Variants in MUC3A observed in about 807,000 individuals in gnomAD.
The protein encoded by MUC3A is mucin 3A, cell surface associated, also known as mucin-3A.
A neutral mutation model predicts 109.0 loss-of-function variants in MUC3A; 109 were observed. The ratio of observed to expected loss-of-function variants is 1.00; its 90% CI spans 0.86 to 1.17. The LOEUF is 1.17. MUC3A is among the 50% of genes most tolerant of loss of function. The pLI, the probability that MUC3A is intolerant of heterozygous loss-of-function variation, is 0.00. For synonymous variants in MUC3A, 1,398 were observed against 981.4 expected (o/e 1.42, Z -7.93); for missense variants, 3,537 against 2,469.4 (o/e 1.43, Z -9.16).
rs547793267 is a variant in MUC3A, at chr7:100,958,551, T to A, written c.6772T>A (p.Ser2258Thr). Residue 2258 changes from serine to threonine, a missense_variant, in exon 2 of 12, where the codon TCT (serine) becomes ACT (threonine). Coordinates refer to ENST00000379458, the MANE Select transcript of MUC3A (RefSeq NM_005960.2). ...TTSHSTPSFTSSITTTETTSH... is the reference protein window; with the variant it reads ...TTSHSTPSFTTSITTTETTSH... The stretch of plus-strand genomic sequence containing the variant: ...ATCCCACAGTACTCCCAGCTTCACT[T>A]CTTCGATCACCACCACTGAGACCAC... 3 of 1,421,456 alleles carry A rather than the reference T, an allele frequency of 2.1e-6. No homozygotes were observed. The highest frequency in any genetic ancestry group is 2.9e-6 in the Non-Finnish European group (3 of 1,021,248). 88.1% of individuals were successfully genotyped at this position (1,421,456 alleles called of 1,614,324 possible). A position where few individuals can be genotyped will look rare whatever the true frequency, so the allele number is the denominator to read the frequency against.
intron 10 of MUC3A, 38 bp downstream of exon 10, chr7:100,966,781 C>T (rs774536838): frequency 6.9e-6 from 11 of 1,598,402 alleles, no homozygotes; most frequent in Admixed American, 3.3e-5. Flanking sequence ...CAGAGGCTTT[C>T]CTGGGCACCA....
In MUC3A at chr7:100,967,445, T is replaced by G. The variant is rs1378381144; in HGVS notation, c.*283T>G. 1.3e-5 allele frequency: 8 copies of G among 593,346 alleles called. No individual in the cohort carries two copies. The Admixed American group carries it at 1.5e-4, about 11-fold the overall frequency. The allele number at this position is 593,346 out of a possible 1,614,324, so 36.8% of individuals were successfully genotyped here. ...GCAAAACGGGTACAGCATTCCTGTA[T>G]GATAGCTCACGCCGTTGTTGTGAAA... On this transcript the variant is annotated 3_prime_UTR_variant, in exon 12 of 12. Coordinates refer to ENST00000379458, the MANE Select transcript of MUC3A (RefSeq NM_005960.2).
chr7:100,958,062 T>A lies in MUC3A; in HGVS notation c.6283T>A (p.Ser2095Thr), dbSNP rs1584803179. The A allele has an allele frequency of 5.4e-3, 3,050 of 568,632 alleles. 2 individuals are homozygous for A. The highest frequency in any genetic ancestry group is 0.017 in the Admixed American group (234 of 14,170). The allele number at this position is 568,632 out of a possible 1,614,324, so 35.2% of individuals were successfully genotyped here. A position where few individuals can be genotyped will look rare whatever the true frequency, so the allele number is the denominator to read the frequency against. Residue 2095 changes from serine (S) to threonine (T), a missense_variant, in exon 2 of 12, where the codon TCT becomes ACT. Coordinates refer to ENST00000379458, the MANE Select transcript of MUC3A (RefSeq NM_005960.2). ...TPSHSTLSFT[S>T]SITTTETTSH... ...CTCACACAGTACTCTCAGCTTCACT[T>A]CTTCAATCACCACCACTGAGACCAC...
rs775633614 is a variant in MUC3A, at chr7:100,958,839, A to T, written c.7060A>T (p.Ser2354Cys). 6.5e-7 allele frequency: 1 copy of T among 1,547,002 alleles called. No homozygotes were observed. Among genetic ancestry groups the T allele is most frequent in the South Asian group, 1.1e-5 (1 of 88,968 alleles). The part of the protein sequence containing the change: ...SITTTETNSH[S>C]TTSFTSSITT... ...CACCACCACCGAGACCAACTCTCAC[A>T]GTACTACCAGCTTCACTTCTTCGAT... Residue 2354 changes from serine to cysteine, a missense_variant, in exon 2 of 12, where the codon AGT becomes TGT. By Grantham distance (112) the Ser-to-Cys change is moderately radical. Coordinates refer to ENST00000379458, the MANE Select transcript of MUC3A (RefSeq NM_005960.2).
chr7:100,957,833 C>T lies in MUC3A; in HGVS notation c.6054C>T (p.Thr2018=). 1.3e-6 allele frequency: 1 copy of T among 772,384 alleles called. No individual in the cohort carries two copies. Among genetic ancestry groups the T allele is most frequent in the Non-Finnish European group, 2.2e-6 (1 of 448,942 alleles). The allele number at this position is 772,384 out of a possible 1,614,324, so 47.8% of individuals were successfully genotyped here. The change falls in exon 2 of 12, where the codon ACC becomes ACT. Residue 2018 remains threonine, a synonymous_variant. Coordinates refer to ENST00000379458, the MANE Select transcript of MUC3A (RefSeq NM_005960.2). ...CTTCTTCCATCACCACCACTGAGAC[C>T]ACATCCCACAATACTCCCAGCTTGA... is the stretch of plus-strand genomic sequence containing the variant. ...SFTSSITTTE[T]TSHNTPSLTS...
At chr7:100,949,907 AG>A (rs1475656280) in intron 1 of MUC3A, among the ~76,000 whole-genome samples, 1 of 186 alleles carries the variant, frequency 5.4e-3, no homozygotes, top group Non-Finnish European at 9.3e-3. Context: ...AGGTTGGGAA[AG>A]AGTGAGGGAG....
In MUC3A at chr7:100,951,977, T is replaced by G; in HGVS notation, c.198T>G (p.Pro66=). The change falls in exon 2 of 12, where the codon CCT becomes CCG. Residue 66 remains proline, a synonymous_variant. Transcript: ENST00000379458. ...WPLGVPQLAS[P]APGHRENAPM... The stretch of plus-strand genomic sequence containing the variant: ...TTGGTGTCCCCCAGCTCGCCTCTCC[T>G]GCTCCTGGCCACAGGGAAAATGCAC... 1 of 1,598,670 alleles carries G rather than the reference T, an allele frequency of 6.3e-7. No individual in the cohort carries two copies. Among genetic ancestry groups the G allele is most frequent in the South Asian group, 1.1e-5 (1 of 91,092 alleles).
chr7:100,963,119 G>A, intron 3 of MUC3A, 32 bp from the exon 4 acceptor site: 2 of 1,591,976 alleles, frequency 1.3e-6, no homozygotes, highest in Non-Finnish European at 1.7e-6. Flanking sequence ...AGCAGACAGA[G>A]AAGTGACTGG....
chr7:100,965,694 C>A lies in MUC3A; in HGVS notation c.9449-10C>A. The A allele has an allele frequency of 6.3e-7, 1 of 1,595,078 alleles. No individual in the cohort carries two copies. The highest frequency in any genetic ancestry group is 8.5e-7 in the Non-Finnish European group (1 of 1,177,780). On this transcript the variant is annotated splice_polypyrimidine_tract_variant and intron_variant, in intron 7 of 11. Coordinates refer to ENST00000379458, the MANE Select transcript of MUC3A (RefSeq NM_005960.2). ...CCTTGTCTCTGTGCATCCCCCTCCC[C>A]AACCCCCAGCCATCTGCCGCCGCGC...
In MUC3A at chr7:100,966,519, G is replaced by C; in HGVS notation, c.9745G>C (p.Ala3249Pro). The C allele has an allele frequency of 7.6e-7, 1 of 1,313,442 alleles. No homozygotes were observed. The highest frequency in any genetic ancestry group is 2.5e-5 in the South Asian group (1 of 39,774). The allele number at this position is 1,313,442 out of a possible 1,614,324, so 81.4% of individuals were successfully genotyped here. A position where few individuals can be genotyped will look rare whatever the true frequency, so the allele number is the denominator to read the frequency against. The change falls in exon 9 of 12, where the codon GCG becomes CCG. Residue 3249 changes from alanine (A) to proline (P), a missense_variant. Physicochemically the swap from Ala to Pro is conservative, Grantham distance 27. Transcript: ENST00000379458. ...GCTGCTGCTGGCGCTGGGCGTCCGG[G>C]CGGTGCGCTCCGGATGGTGGGGCGG... Reference protein sequence around the residue: ...VLLLLALGVRAVRSGWWGGQR... With the variant: ...VLLLLALGVRPVRSGWWGGQR...
In MUC3A at chr7:100,952,945, C is replaced by T. The variant is rs796728880; in HGVS notation, c.1166C>T (p.Thr389Ile). The T allele has an allele frequency of 1.5e-6, 2 of 1,350,292 alleles. No homozygotes were observed. The highest frequency in any genetic ancestry group is 1.9e-6 in the Non-Finnish European group (2 of 1,055,592). 83.6% of individuals were successfully genotyped at this position (1,350,292 alleles called of 1,614,324 possible). ...ACGACTCCTATGACAAACTTGGTAACCACCACCACTGAGATCTCCTCCCAC... is the reference window on the plus strand; with the variant it reads ...ACGACTCCTATGACAAACTTGGTAATCACCACCACTGAGATCTCCTCCCAC... ...TATTPMTNLV[T>I]TTTEISSHST... The change falls in exon 2 of 12, where the codon ACC becomes ATC. Residue 389 changes from threonine (T) to isoleucine (I), a missense_variant. Coordinates refer to ENST00000379458, the MANE Select transcript of MUC3A (RefSeq NM_005960.2).
rs1279268722 is a variant in MUC3A, at chr7:100,961,740, G to A, written c.9052+803G>A. The stretch of plus-strand genomic sequence containing the variant: ...AGGCAGGAAAATCGCTTGAATCCAG[G>A]AGGTGGATATTGCAGTAAAGCGAGA... On this transcript the variant is annotated intron_variant, in intron 3 of 11. Transcript: ENST00000379458. 2.0e-5 allele frequency among the ~76,000 whole-genome samples: 3 copies of A among 152,428 alleles called. No individual in the cohort carries two copies. In the East Asian group the frequency reaches 5.8e-4, roughly 29 times the overall value.
chr7:100,957,661 C>G lies in MUC3A; in HGVS notation c.5882C>G (p.Ser1961Trp), dbSNP rs1025315194. 4 of 1,202,776 alleles carry G rather than the reference C, an allele frequency of 3.3e-6. No individual in the cohort carries two copies. The highest frequency in any genetic ancestry group is 4.1e-6 in the Non-Finnish European group (4 of 968,642). The allele number at this position is 1,202,776 out of a possible 1,614,324, so 74.5% of individuals were successfully genotyped here. A position where few individuals can be genotyped will look rare whatever the true frequency, so the allele number is the denominator to read the frequency against. ...TSHSSPSFTS[S>W]ITTTETTSHN... ...CACAGCTCTCCCAGCTTCACTTCTT[C>G]GATCACCACCACCGAGACCACATCC... The change falls in exon 2 of 12, where the codon TCG becomes TGG. Residue 1961 changes from serine to tryptophan, a missense_variant. By Grantham distance (177) the Ser-to-Trp change is radical. Transcript: ENST00000379458.
At position 100,965,852 on chromosome 7, in the gene MUC3A, C is replaced by T. The variant is rs1342937492; in HGVS notation, c.9597C>T (p.Ser3199=). The T allele has an allele frequency of 6.3e-7, 1 of 1,594,004 alleles. No individual in the cohort carries two copies. Among genetic ancestry groups the T allele is most frequent in the South Asian group, 1.1e-5 (1 of 90,640 alleles). Residue 3199 remains serine, a synonymous_variant, in exon 8 of 12, where the codon AGC becomes AGT. Coordinates refer to ENST00000379458, the MANE Select transcript of MUC3A (RefSeq NM_005960.2). ...AGGGCCAGTGCGTTCTGGAGACGAG[C>T]GGTCCCACGTGTCGGTAAGGCCCCG... ...CHQGQCVLET[S]GPTCRCYSTD... is the part of the protein sequence containing the mutation.
rs1792219864 is a variant in MUC3A, at chr7:100,959,122, T to C, written c.7343T>C (p.Ile2448Thr). Reference sequence around the variant, plus strand: ...ACTCCCAGCCTCAGTTCTTCAACCATCTACTCCACAGTCAGCACATCCACA... The same window carrying C: ...ACTCCCAGCCTCAGTTCTTCAACCACCTACTCCACAGTCAGCACATCCACA... Reference protein sequence around the residue: ...ESTPSLSSSTIYSTVSTSTTA... With the variant: ...ESTPSLSSSTTYSTVSTSTTA... The change falls in exon 2 of 12, where the codon ATC becomes ACC. Residue 2448 changes from isoleucine (I) to threonine (T), a missense_variant. Ile to Thr is a moderately conservative substitution (Grantham distance 89, BLOSUM62 -1). Coordinates refer to ENST00000379458, the MANE Select transcript of MUC3A (RefSeq NM_005960.2). 7.0e-7 allele frequency: 1 copy of C among 1,418,546 alleles called. No individual in the cohort carries two copies. The highest frequency in any genetic ancestry group is 2.5e-5 in the East Asian group (1 of 39,422). The allele number at this position is 1,418,546 out of a possible 1,614,324, so 87.9% of individuals were successfully genotyped here. A position where few individuals can be genotyped will look rare whatever the true frequency, so the allele number is the denominator to read the frequency against.
Position 100,952,202 on chromosome 7 carries a change from C to T in MUC3A, c.423C>T (p.Pro141=). The T allele has an allele frequency of 1.9e-6, 3 of 1,598,554 alleles. No homozygotes were observed. The highest frequency in any genetic ancestry group is 2.2e-5 in the South Asian group (2 of 91,092). ...PTSFIITISH[P]TSICVTTTQV... ...GCTTTATAATCACCATCTCCCACCC[C>T]ACCTCCATCTGTGTGACCACGACGC... The change falls in exon 2 of 12, where the codon CCC becomes CCT. Residue 141 remains proline, a synonymous_variant. Transcript: ENST00000379458.
At position 100,963,190 on chromosome 7, in the gene MUC3A, A is replaced by G; in HGVS notation, c.9092A>G (p.Asp3031Gly). ...GAGGTGGGCATGGAAGTGTCTGTGGATCAGCAGTTCTCGCCGGACCTCAAT... is the reference window on the plus strand; with the variant it reads ...GAGGTGGGCATGGAAGTGTCTGTGGGTCAGCAGTTCTCGCCGGACCTCAAT... ...ETEVGMEVSV[D>G]QQFSPDLNDN... Residue 3031 changes from aspartate (D) to glycine (G), a missense_variant, in exon 4 of 12, where the codon GAT becomes GGT. Physicochemically the swap from Asp to Gly is moderately conservative, Grantham distance 94 (BLOSUM62 -1). Transcript: ENST00000379458. 6.3e-7 allele frequency: 1 copy of G among 1,598,366 alleles called. No homozygotes were observed. Among genetic ancestry groups the G allele is most frequent in the Non-Finnish European group, 8.5e-7 (1 of 1,179,762 alleles).
Position 100,960,299 on chromosome 7 carries a change from C to G in MUC3A, c.8520C>G (p.Ser2840=). The stretch of plus-strand genomic sequence containing the variant: ...CTTCCATGATGCCAGAAAGTGAGTC[C>G]AGCATCTCACCCAATGCTTCCAGTT... ...DTSSMMPESE[S]SISPNASSST... is the part of the protein sequence containing the mutation. The change falls in exon 2 of 12, where the codon TCC becomes TCG. Residue 2840 remains serine, a synonymous_variant. Transcript: ENST00000379458. 1 of 1,598,556 alleles carries G rather than the reference C, an allele frequency of 6.3e-7. No homozygotes were observed. The highest frequency in any genetic ancestry group is 1.1e-5 in the South Asian group (1 of 91,092).
At position 100,967,267 on chromosome 7, in the gene MUC3A, C is replaced by T; in HGVS notation, c.*105C>T. 1.3e-6 allele frequency: 2 copies of T among 1,532,474 alleles called. No homozygotes were observed. The allele number at this position is 1,532,474 out of a possible 1,614,324, so 94.9% of individuals were successfully genotyped here. ...CCCCAGGACGCGGGCAGCCCAGGCT[C>T]CTGCTGTTCTTGGGCAAGATGAGAC... On this transcript the variant is annotated 3_prime_UTR_variant, in exon 12 of 12. Transcript: ENST00000379458.
Sources: allele counts gnomAD v4.1 joint callset (sites outside exome capture counted in the v4.1 genomes callset), GRCh38; gene constraint gnomAD v4.1.1; transcripts MANE v1.5; gene names NCBI Gene and HGNC (gene_info 2026-07-23, HGNC 2026-07-21).